Variants in SCN11A observed in about 807,000 individuals in gnomAD.
SCN11A encodes the protein sodium channel protein type 11 subunit alpha.
SCN11A carries 122 observed loss-of-function variants against 162.2 expected under a neutral mutation model. The observed-to-expected ratio is 0.75, with a 90% confidence interval of 0.65 to 0.87. The LOEUF is 0.87. Among genes scored for constraint, SCN11A ranks in the 40% least tolerant of loss-of-function variants. The pLI, the probability that SCN11A is intolerant of heterozygous loss-of-function variation, is 0.00. For missense variants in SCN11A, 2,015 were observed against 2,181.6 expected, an observed-to-expected ratio of 0.92 and a Z score of 1.52; for synonymous variants, 758 against 751.5, an observed-to-expected ratio of 1.01 and a Z score of -0.14.
chr3:39,016,787 G>C (rs1216864421), intron 2 of SCN11A, among the ~76,000 whole-genome samples: 1 of 152,054 alleles, frequency 6.6e-6, no homozygotes, highest in Non-Finnish European at 1.5e-5. Flanking sequence ...ATTTTTGGTA[G>C]AGACAGGGTT....
rs186045340 is a variant in SCN11A, at chr3:38,911,086, A to G, written c.960-879T>C. Reference sequence around the variant, plus strand: ...CTCCGTATATCTAAATAGTGCTTACACTGATATTTGATTTATCAATTGTAG... The same window carrying G: ...CTCCGTATATCTAAATAGTGCTTACGCTGATATTTGATTTATCAATTGTAG... On this transcript the variant is annotated intron_variant, in intron 11 of 29. Coordinates refer to ENST00000302328, the MANE Select transcript of SCN11A (RefSeq NM_001349253.2). Among the ~76,000 whole-genome samples, 417 of 152,254 alleles carry G rather than the reference A, an allele frequency of 2.7e-3. 1 individual carries two copies. The highest frequency in any genetic ancestry group is 9.6e-3 in the African/African-American group (397 of 41,570).
chr3:38,942,876 T>G (rs2066461510), intron 7 of SCN11A, among the ~76,000 whole-genome samples: 1 of 152,182 alleles, frequency 6.6e-6, no homozygotes. Flanking sequence ...CTGATATGAA[T>G]GTAAAATTAT....
At chr3:39,017,436 CTTTTA>C (rs974041572) in intron 2 of SCN11A, among the ~76,000 whole-genome samples, 1 of 152,212 alleles carries the variant, frequency 6.6e-6, no homozygotes, top group Non-Finnish European at 1.5e-5. Context: ...TCTGTAATGC[CTTTTA>C]TTCTCTCTGG....
intron 5 of SCN11A, among the ~76,000 whole-genome samples, chr3:38,949,674 T>C (rs1370693158): frequency 5.9e-5 from 9 of 152,208 alleles, no homozygotes; most frequent in Admixed American, 5.9e-4. Context: ...AGCATGTCTA[T>C]GCTCTAAGGT....
chr3:39,007,673 A>G (rs544487167), intron 2 of SCN11A, among the ~76,000 whole-genome samples: 11 of 152,344 alleles, frequency 7.2e-5, no homozygotes, highest in South Asian at 4.1e-4. Context: ...TCCCAAATCC[A>G]TCGGGAAAGG....
At position 38,944,086 on chromosome 3, in the gene SCN11A, G is replaced by A. The variant is rs566003787; in HGVS notation, c.488+1325C>T. 3.9e-5 allele frequency among the ~76,000 whole-genome samples: 6 copies of A among 152,200 alleles called. No individual in the cohort carries two copies. The East Asian group carries it at 1.2e-3, about 29-fold the overall frequency. ...CAAAATATCACATGTACCCTGAAAT[G>A]TGTACAATTATTATGTGTCAATTAA... On this transcript the variant is annotated intron_variant, in intron 7 of 29. Transcript: ENST00000302328.
At chr3:38,934,815 TCAA>T (rs1416844452) in intron 7 of SCN11A, among the ~76,000 whole-genome samples, 1 of 151,988 alleles carries the variant, frequency 6.6e-6, no homozygotes, top group Non-Finnish European at 1.5e-5. Flanking sequence ...CTTAGACAGA[TCAA>T]CGAGACAGAA....
intron 2 of SCN11A, among the ~76,000 whole-genome samples, chr3:39,020,028 C>T (rs902485631): frequency 3.9e-5 from 6 of 152,180 alleles, no homozygotes; most frequent in Non-Finnish European, 5.9e-5. Context: ...CTGAGGTTTA[C>T]ATCCCTGCTC....
intron 2 of SCN11A, among the ~76,000 whole-genome samples, chr3:39,018,549 T>C (rs2031358480): frequency 6.6e-6 from 1 of 152,170 alleles, no homozygotes; most frequent in African/African-American, 2.4e-5. Flanking sequence ...CCAGGCGCGG[T>C]GGCTCAAGCC....
chr3:38,936,575 C>T (rs202193959), intron 7 of SCN11A, among the ~76,000 whole-genome samples: 67,838 of 147,854 alleles, frequency 0.46, 18,107 homozygotes, highest in African/African-American at 0.77. Flanking sequence ...TATACACCAA[C>T]AACAGACAAA....
At chr3:38,867,090 A>G (rs1285911182) in intron 27 of SCN11A, among the ~76,000 whole-genome samples, 2 of 152,234 alleles carry the variant, frequency 1.3e-5, no homozygotes, top group Non-Finnish European at 2.9e-5. Context: ...CCATTGATTA[A>G]GAAGGTAAAA....
intron 9 of SCN11A, among the ~76,000 whole-genome samples, chr3:38,924,253 G>A (rs967000384): frequency 5.3e-5 from 8 of 151,754 alleles, no homozygotes; most frequent in Non-Finnish European, 1.0e-4. Flanking sequence ...ACCTTAGGCT[G>A]GAGTGCAATG....
intron 2 of SCN11A, among the ~76,000 whole-genome samples, chr3:39,019,580 T>G (rs1052085777): frequency 2.6e-5 from 4 of 152,200 alleles, no homozygotes; most frequent in Admixed American, 1.3e-4. Flanking sequence ...CAGTTTCACA[T>G]GTTTGGTCTA....
intron 2 of SCN11A, among the ~76,000 whole-genome samples, chr3:38,980,068 C>A (rs2029972208): frequency 6.6e-6 from 1 of 152,146 alleles, no homozygotes; most frequent in Non-Finnish European, 1.5e-5. Context: ...GGGGACCAGG[C>A]AGAAGGAGAA....
rs2032399812 is a variant in SCN11A at position 39,051,909 on chromosome 3, C to CACA, written c.-455_-453dup. On this transcript the variant is annotated 5_prime_UTR_variant, in exon 1 of 30. Coordinates refer to ENST00000302328, the MANE Select transcript of SCN11A (RefSeq NM_001349253.2). ...ACAGCAACTAACAGCACCGAGGAAA[C>CACA]ACAACAGCCTGTTTACCTTCAGCCC... is the stretch of plus-strand genomic sequence containing the variant. The CACA allele has an allele frequency of 2.3e-6, 3 of 1,305,334 alleles. No individual in the cohort carries two copies. In the Admixed American group the frequency reaches 5.6e-5, roughly 24 times the overall value. 80.9% of individuals were successfully genotyped at this position (1,305,334 alleles called of 1,614,324 possible).
At chr3:38,894,365 G>T (rs2065549640) in intron 19 of SCN11A, among the ~76,000 whole-genome samples, 168 bp downstream of exon 19, 3 of 152,088 alleles carry the variant, frequency 2.0e-5, no homozygotes. Flanking sequence ...CACACCTGCA[G>T]GACCACAATA....
chr3:38,952,481 A>T (rs765875061), intron 4 of SCN11A, among the ~76,000 whole-genome samples: 1 of 152,200 alleles, frequency 6.6e-6, no homozygotes, highest in Non-Finnish European at 1.5e-5. Flanking sequence ...TCCTTCAACA[A>T]TTATATGCCC....
chr3:38,850,730 A>G lies in SCN11A; in HGVS notation c.4078T>C (p.Phe1360Leu). ...RPLNKCQGLV[F>L]DIVTSQIFDI... ...AAGATCTGGCTTGTGACTATGTCGA[A>G]CACGAGACCTTGACATTTGTTCTGA... The change falls in exon 29 of 30, where the codon TTC (phenylalanine) becomes CTC (leucine). Residue 1360 changes from phenylalanine to leucine, a missense_variant. Phe to Leu is a conservative substitution (Grantham distance 22). Transcript: ENST00000302328. The G allele has an allele frequency of 6.2e-7, 1 of 1,607,892 alleles. No homozygotes were observed. Among genetic ancestry groups the G allele is most frequent in the Non-Finnish European group, 8.5e-7 (1 of 1,176,608 alleles).
At chr3:38,951,348 G>T (rs936478102) in intron 4 of SCN11A, among the ~76,000 whole-genome samples, 3 of 152,258 alleles carry the variant, frequency 2.0e-5, no homozygotes, top group Admixed American at 1.3e-4. Context: ...GCCCACTGGC[G>T]CTGCACTCGA....
Sources: allele counts gnomAD v4.1 joint callset (sites outside exome capture counted in the v4.1 genomes callset), GRCh38; gene constraint gnomAD v4.1.1; transcripts MANE v1.5; gene names NCBI Gene and HGNC (gene_info 2026-07-23, HGNC 2026-07-21).